CDHR4: variants seen among roughly 807,000 people sequenced by gnomAD.
The protein encoded by CDHR4 is cadherin-related family member 4.
CDHR4 carries 89 observed loss-of-function variants against 88.4 expected under a neutral mutation model. The ratio of observed to expected loss-of-function variants is 1.01; its 90% CI spans 0.85 to 1.20. CDHR4 has a LOEUF of 1.20. Ranked by LOEUF, CDHR4 falls within the 50% of genes most tolerant of loss-of-function variation. The pLI is 0.00. For synonymous variants in CDHR4, 368 were observed against 399.2 expected (o/e 0.92, Z 0.93); for missense variants, 914 against 1,007.2 (o/e 0.91, Z 1.25).
At chr3:49,797,131 C>T in intron 4 of CDHR4, 99 bp from the exon 5 acceptor site, 1 of 749,960 alleles carries the variant, frequency 1.3e-6, no homozygotes, top group Admixed American at 2.4e-5. Context: ...CCAGCAGGCA[C>T]CTGCCTACAC....
At chr3:49,793,346 C>A (rs1395230814) in intron 12 of CDHR4, 35 bp from the exon 13 acceptor site, 1 of 1,546,536 alleles carries the variant, frequency 6.5e-7, no homozygotes, top group Non-Finnish European at 8.7e-7. Context: ...GTGGGTGGAA[C>A]CCACCCCCTA....
At chr3:49,790,990 C>G (rs963661912) in intron 18 of CDHR4, 103 bp from the exon 19 acceptor site, 1 of 909,112 alleles carries the variant, frequency 1.1e-6, no homozygotes, top group Admixed American at 2.9e-5. Flanking sequence ...CCTCCAGGAC[C>G]CTCAGTGTGA....
rs780337143 is a variant in CDHR4, at chr3:49,790,855, T to C, written c.2344A>G (p.Thr782Ala). The change falls in exon 19 of 19, where the codon ACA (threonine) becomes GCA (alanine). Residue 782 changes from threonine (T) to alanine (A), a missense_variant. Physicochemically the swap from Thr to Ala is moderately conservative, Grantham distance 58 (BLOSUM62 0). Coordinates refer to ENST00000412678, the MANE Select transcript of CDHR4 (RefSeq NM_001007540.4). ...CCTCAGAGCCAGCGCCGGGCTCCTGTGTGTGTGTTAAACAGGTAGTCTCTT... is the reference window on the plus strand; with the variant it reads ...CCTCAGAGCCAGCGCCGGGCTCCTGCGTGTGTGTTAAACAGGTAGTCTCTT... ...TGRDYLFNTH[T>A]GARRWL The C allele has an allele frequency of 1.2e-5, 19 of 1,551,270 alleles. 1 individual carries two copies. Among genetic ancestry groups the C allele is most frequent in the Non-Finnish European group, 1.5e-5 (17 of 1,146,838 alleles).
In CDHR4 at chr3:49,795,275, C is replaced by T. The variant is rs892137727; in HGVS notation, c.952G>A (p.Ala318Thr). The part of the protein sequence containing the change: ...VKAFEQGQLW[A>T]SAKLNLTMNV... ...ATGGTGAGATTGAGCTTGGCACTGG[C>T]CCACAGCTGGCCCTGCTCAAAGGCC... The change falls in exon 8 of 19, where the codon GCC becomes ACC. Residue 318 changes from alanine (A) to threonine (T), a missense_variant. Ala to Thr is a moderately conservative substitution (Grantham distance 58, BLOSUM62 0). Transcript: ENST00000412678. The surrounding 1 kb of genome is among the most constrained non-coding windows in gnomAD (Gnocchi z 5.4). 1.3e-6 allele frequency: 2 copies of T among 1,551,540 alleles called. No homozygotes were observed. The highest frequency in any genetic ancestry group is 1.2e-5 in the South Asian group (1 of 84,064).
At position 49,792,876 on chromosome 3, in the gene CDHR4, GCCACTGTGCTGGCCCTCC is replaced by G. The variant is rs1559723631; in HGVS notation, c.1955_1972del (p.Arg652_Ala658delinsPro). 2 of 1,542,622 alleles carry G rather than the reference GCCACTGTGCTGGCCCTCC, an allele frequency of 1.3e-6. No homozygotes were observed. The highest frequency in any genetic ancestry group is 3.9e-5 in the Admixed American group (2 of 50,764). The stretch of plus-strand genomic sequence containing the variant: ...CACTGTGGTTCTGTGGGTGCTGGTG[GCCACTGTGCTGGCCCTCC>G]GGGGAACTAGATGCACAATAATGGT... On this transcript the variant is annotated inframe_deletion, in exon 14 of 19. Transcript: ENST00000412678.
At chr3:49,799,568 T>A in intron 1 of CDHR4, 131 bp from the exon 2 acceptor site, 1 of 1,132,660 alleles carries the variant, frequency 8.8e-7, no homozygotes, top group Non-Finnish European at 1.2e-6. Flanking sequence ...TTTCCTTGTA[T>A]CCAGCATCCA....
Position 49,796,984 on chromosome 3 carries a change from A to T in CDHR4, c.544T>A (p.Ser182Thr). 6.4e-7 allele frequency: 1 copy of T among 1,551,680 alleles called. No individual in the cohort carries two copies. Among genetic ancestry groups the T allele is most frequent in the Non-Finnish European group, 8.7e-7 (1 of 1,146,972 alleles). ...TGCAGCCAACCTTGCTCATTGATGG[A>T]GAAAGGTCCAGGGAAGTGTGGCAGG... ...QDLPHFPGPFSINEQGWLQAP... is the reference protein window; with the variant it reads ...QDLPHFPGPFTINEQGWLQAP... Residue 182 changes from serine (S) to threonine (T), a missense_variant, in exon 5 of 19, where the codon TCC becomes ACC. Transcript: ENST00000412678.
chr3:49,800,362 C>CA (rs546575574), upstream of CDHR4, among the ~76,000 whole-genome samples: 7 of 151,792 alleles, frequency 4.6e-5, no homozygotes, highest in East Asian at 1.4e-3. Context: ...CCCATCTCTA[C>CA]AAAAAATTAG....
At position 49,791,438 on chromosome 3, in the gene CDHR4, C is replaced by G; in HGVS notation, c.2311+3G>C. 6.5e-7 allele frequency: 1 copy of G among 1,543,778 alleles called. No individual in the cohort carries two copies. The highest frequency in any genetic ancestry group is 1.2e-5 in the South Asian group (1 of 82,652). ...AGAATAGCTTAGGAAGAGGGGGACT[C>G]ACGGGAGTCCTGTGCTCTGCCATCA... On this transcript the variant is annotated splice_donor_region_variant and intron_variant, in intron 18 of 18. Transcript: ENST00000412678.
chr3:49,799,980 G>A, upstream of CDHR4: 1 of 631,096 alleles, frequency 1.6e-6, no homozygotes, highest in East Asian at 2.7e-5. Context: ...TAGACCTCTG[G>A]CAGGCTTCCA....
chr3:49,802,311 C>G (rs985038165), upstream of CDHR4, among the ~76,000 whole-genome samples: 1 of 152,272 alleles, frequency 6.6e-6, no homozygotes, highest in East Asian at 1.9e-4. Flanking sequence ...GTAGCTGGGA[C>G]TACAGGCGCC....
Position 49,790,871 on chromosome 3 carries a change from G to T in CDHR4, c.2328C>A (p.Tyr776Ter), listed in dbSNP as rs1231756968. 6.4e-7 allele frequency: 1 copy of T among 1,551,338 alleles called. No homozygotes were observed. Among genetic ancestry groups the T allele is most frequent in the East Asian group, 2.4e-5 (1 of 40,926 alleles). Residue 776 changes from tyrosine (Y) to a stop codon, truncating the protein, a stop_gained, in exon 19 of 19, where the codon TAC becomes TAA. Coordinates refer to ENST00000412678, the MANE Select transcript of CDHR4 (RefSeq NM_001007540.4). LOFTEE classifies it high-confidence loss of function. ...GGGCTCCTGTGTGTGTGTTAAACAG[G>T]TAGTCTCTTCCGGTACCTAAAACCG... ...RAQDSRTGRDYLFNTHTGARR... is the reference protein window; with the variant it reads ...RAQDSRTGRD
At chr3:49,799,555 G>T (rs1575355705) in intron 1 of CDHR4, 118 bp from the exon 2 acceptor site, 1 of 1,192,130 alleles carries the variant, frequency 8.4e-7, no homozygotes, top group Non-Finnish European at 1.2e-6. Flanking sequence ...AGCAGCTAAG[G>T]CCTTTCCTTG....
chr3:49,799,219 C>G (rs768929483), intron 2 of CDHR4, 28 bp downstream of exon 2: 11 of 1,610,340 alleles, frequency 6.8e-6, no homozygotes, highest in Non-Finnish European at 9.3e-6. Context: ...TGTGCCCCCA[C>G]AGTCCCCAGC....
At chr3:49,794,042 G>A (rs774612363) in intron 10 of CDHR4, 36 bp from the exon 11 acceptor site, 5 of 1,543,972 alleles carry the variant, frequency 3.2e-6, no homozygotes, top group South Asian at 1.2e-5. Context: ...GCTGGCCTGG[G>A]GTAACTATCC....
At position 49,798,811 on chromosome 3, in the gene CDHR4, A is replaced by G. The variant is rs202217438; in HGVS notation, c.495+15T>C. ...CCCCCATCCTGTCACCCACCGTCCC[A>G]TGTTCTGGGCTTACCTGCGCTCCGT... On this transcript the variant is annotated intron_variant, in intron 4 of 18. Transcript: ENST00000412678. The G allele has an allele frequency of 3.4e-5, 55 of 1,611,114 alleles. No individual in the cohort carries two copies. The highest frequency in any genetic ancestry group is 4.2e-5 in the Non-Finnish European group (49 of 1,177,940).
In CDHR4 at chr3:49,799,424, C is replaced by A. The variant is rs1181989692; in HGVS notation, c.63G>T (p.Leu21=). 6.3e-7 allele frequency: 1 copy of A among 1,599,264 alleles called. No homozygotes were observed. Among genetic ancestry groups the A allele is most frequent in the South Asian group, 1.1e-5 (1 of 88,816 alleles). The change falls in exon 2 of 19, where the codon CTG becomes CTT. Residue 21 remains leucine (L), a synonymous_variant. Coordinates refer to ENST00000412678, the MANE Select transcript of CDHR4 (RefSeq NM_001007540.4). ...TCTCAGAGACATTTATAAAGCAGGGCAGGCTGCAGAGGTCTGTGAAGAGCA... is the reference window on the plus strand; with the variant it reads ...TCTCAGAGACATTTATAAAGCAGGGAAGGCTGCAGAGGTCTGTGAAGAGCA... The part of the protein sequence containing the change: ...FAPVVSDLCS[L]PCFINVSESQ...
chr3:49,796,584 C>G (rs1360451009), intron 5 of CDHR4, among the ~76,000 whole-genome samples: 1 of 152,188 alleles, frequency 6.6e-6, no homozygotes, highest in Non-Finnish European at 1.5e-5. Context: ...TGACAACGCC[C>G]ACCTTGGCCT....
intron 9 of CDHR4, 73 bp downstream of exon 9, chr3:49,794,874 G>C (rs1189677692): frequency 1.3e-6 from 2 of 1,535,532 alleles, no homozygotes; most frequent in African/African-American, 2.7e-5. Context: ...CGTGGTCTCA[G>C]AGACCCTTGG....
Sources: gnomAD v4.1 joint callset for allele counts (sites outside exome capture counted in the v4.1 genomes callset) on GRCh38, gnomAD v4.1.1 for gene constraint, Gnocchi (gnomAD v3.1) non-coding constraint, MANE v1.5 for transcripts, NCBI Gene and HGNC (gene_info 2026-07-23, HGNC 2026-07-21) for gene names.